Variants in PCDHGA3 observed in about 807,000 individuals in gnomAD.
PCDHGA3 encodes the protein protocadherin gamma subfamily A, 3.
In PCDHGA3, 40 loss-of-function variants were observed where a neutral mutation model predicts 58.5. That is an observed-to-expected ratio of 0.68 (90% CI 0.53 to 0.89). The LOEUF is 0.89. PCDHGA3 is among the 40% of genes least tolerant of loss of function. PCDHGA3 has a pLI of 0.00. For synonymous variants in PCDHGA3, 530 were observed against 525.7 expected, an observed-to-expected ratio of 1.01 and a Z score of -0.11; for missense variants, 1,223 against 1,195.9, an observed-to-expected ratio of 1.02 and a Z score of -0.33.
chr5:141,397,738 C>T (rs1211172946), intron 1 of PCDHGA3, among the ~76,000 whole-genome samples: 1 of 152,162 alleles, frequency 6.6e-6, no homozygotes, highest in East Asian at 1.9e-4. Flanking sequence ...AGAAAGATAC[C>T]TTAAAGAAGT....
At chr5:141,415,129 G>C in intron 1 of PCDHGA3, 1 of 1,613,656 alleles carries the variant, frequency 6.2e-7, no homozygotes, top group African/African-American at 1.3e-5. Flanking sequence ...GGCCGTCCAG[G>C]ACCACGGCCA....
At chr5:141,354,636 C>T (rs1432880268) in intron 1 of PCDHGA3, among the ~76,000 whole-genome samples, 2 of 152,202 alleles carry the variant, frequency 1.3e-5, no homozygotes, top group African/African-American at 4.8e-5. Context: ...TTATCTGTCT[C>T]ATCCATTTTT....
At chr5:141,398,864 T>A (rs1399067876) in intron 1 of PCDHGA3, 1 of 1,613,768 alleles carries the variant, frequency 6.2e-7, no homozygotes, top group Non-Finnish European at 8.5e-7. Context: ...AACCGAGACG[T>A]GTACAGAGTC....
intron 1 of PCDHGA3, chr5:141,424,160 C>A (rs187420643): frequency 6.3e-4 from 172 of 273,324 alleles, no homozygotes; most frequent in South Asian, 2.2e-3. Flanking sequence ...CTCTCCTTCT[C>A]ATCTATCTAT....
chr5:141,416,006 G>A, intron 1 of PCDHGA3: 1 of 253,216 alleles, frequency 3.9e-6, no homozygotes, highest in Non-Finnish European at 7.3e-6. Context: ...GGTCTGGTAA[G>A]AATAGGTAAG....
At chr5:141,454,796 ATTTTTTTTTTTTTTTT>A (rs61612330) in intron 1 of PCDHGA3, among the ~76,000 whole-genome samples, 1 of 77,408 alleles carries the variant, frequency 1.3e-5, no homozygotes, top group East Asian at 4.0e-4. Flanking sequence ...CATGGTTCTA[ATTTTTTTTTTTTTTTT>A]TTTTTTTTTT....
Position 141,489,585 on chromosome 5 carries a change from G to C in PCDHGA3, c.2425-5222G>C. The C allele has an allele frequency of 6.2e-7, 1 of 1,614,090 alleles. No individual in the cohort carries two copies. On this transcript the variant is annotated intron_variant, in intron 1 of 3. Transcript: ENST00000253812. This position sits in a 1 kb window ranked among gnomAD's most constrained non-coding sequence, Gnocchi z 4.5. ...AGGTGGTGACTGAACACCCCCTGGA[G>C]CTAATCCGTGTAGAGGTAGAGATCC...
chr5:141,458,551 T>A (rs1019302178), intron 1 of PCDHGA3, among the ~76,000 whole-genome samples: 1 of 148,194 alleles, frequency 6.7e-6, no homozygotes, highest in Non-Finnish European at 1.5e-5. Flanking sequence ...TTTGTTTGTT[T>A]GTTTTGGTTT....
chr5:141,366,779 C>T, intron 1 of PCDHGA3: 2 of 1,585,730 alleles, frequency 1.3e-6, no homozygotes, highest in Non-Finnish European at 1.7e-6. Context: ...GTAAGGATGA[C>T]CAGAACATTT....
chr5:141,371,220 G>A (rs1172687028), intron 1 of PCDHGA3: 4 of 1,613,874 alleles, frequency 2.5e-6, no homozygotes, highest in South Asian at 1.1e-5. Flanking sequence ...CATCAATGCC[G>A]AAATCATCTA....
Position 141,344,545 on chromosome 5 carries a change from A to G in PCDHGA3, c.512A>G (p.Lys171Arg), listed in dbSNP as rs1561488097. Residue 171 changes from lysine (K) to arginine (R), a missense_variant, in exon 1 of 4, where the codon AAG (lysine) becomes AGG (arginine). This residue lies in a region of PCDHGA3 where 791 missense variants were observed against 708.5 expected (regional missense o/e 1.12). Coordinates refer to ENST00000253812, the MANE Select transcript of PCDHGA3 (RefSeq NM_018916.4). ...DVGINSLQNY[K>R]LSPNDYFSLA... ...GGCATTAACTCCCTGCAGAACTACA[A>G]GCTTAGCCCCAATGACTACTTCTCT... The G allele has an allele frequency of 8.1e-6, 13 of 1,613,916 alleles. No individual in the cohort carries two copies. Among genetic ancestry groups the G allele is most frequent in the Non-Finnish European group, 1.1e-5 (13 of 1,179,908 alleles).
chr5:141,360,023 A>C, intron 1 of PCDHGA3: 1 of 1,309,494 alleles, frequency 7.6e-7, no homozygotes, highest in Non-Finnish European at 1.0e-6. Context: ...AGAGAAGGCC[A>C]GTATAGATTC....
chr5:141,409,600 G>A (rs778681839), intron 1 of PCDHGA3: 1 of 1,613,764 alleles, frequency 6.2e-7, no homozygotes. Context: ...AGAACAACCC[G>A]CCAGGAGCCT....
intron 1 of PCDHGA3, chr5:141,384,055 A>G (rs764578426): frequency 7.5e-6 from 12 of 1,610,418 alleles, no homozygotes; most frequent in Non-Finnish European, 1.0e-5. Context: ...GACCTGCACC[A>G]TTCCAGAAAA....
chr5:141,485,949 T>C lies in PCDHGA3; in HGVS notation c.2425-8858T>C. Reference sequence around the variant, plus strand: ...GTGTTGGAGAGCGCACCAGCGGGCATGGTGCTCATCCAGCTCAATGCCTCA... The same window carrying C: ...GTGTTGGAGAGCGCACCAGCGGGCACGGTGCTCATCCAGCTCAATGCCTCA... On this transcript the variant is annotated intron_variant, in intron 1 of 3. Transcript: ENST00000253812. This position sits in a 1 kb window ranked among gnomAD's most constrained non-coding sequence, Gnocchi z 5.7. 2 of 1,614,178 alleles carry C rather than the reference T, an allele frequency of 1.2e-6. No individual in the cohort carries two copies.
intron 1 of PCDHGA3, chr5:141,413,350 G>A: frequency 6.2e-7 from 1 of 1,613,974 alleles, no homozygotes; most frequent in Non-Finnish European, 8.5e-7. Context: ...CTTGGGTCTG[G>A]CGCCCCGGGA....
chr5:141,418,542 T>A (rs1260030087), intron 1 of PCDHGA3: 1 of 1,614,028 alleles, frequency 6.2e-7, no homozygotes, highest in South Asian at 1.1e-5. Context: ...ACTGCTCAGA[T>A]AAGAATCCTG....
At chr5:141,360,342 C>A in intron 1 of PCDHGA3, 1 of 1,613,836 alleles carries the variant, frequency 6.2e-7, no homozygotes. Flanking sequence ...TGCGGGTTAG[C>A]GCGGAGAAGG....
chr5:141,355,727 G>A (rs779454610), intron 1 of PCDHGA3: 3 of 1,613,856 alleles, frequency 1.9e-6, no homozygotes, highest in Non-Finnish European at 2.5e-6. Flanking sequence ...AACTCAAACG[G>A]TTACTTTTCC....
Sources: gnomAD v4.1 joint callset for allele counts (sites outside exome capture counted in the v4.1 genomes callset) on GRCh38, gnomAD v4.1.1 for gene constraint, gnomAD v4.1.1 regional missense constraint, Gnocchi (gnomAD v3.1) non-coding constraint, MANE v1.5 for transcripts, NCBI Gene and HGNC (gene_info 2026-07-23, HGNC 2026-07-21) for gene names.